TTC7B: variants seen among roughly 807,000 people sequenced by gnomAD.
The protein encoded by TTC7B is tetratricopeptide repeat domain 7B, also known as tetratricopeptide repeat protein 7B.
TTC7B carries 28 observed loss-of-function variants against 106.8 expected under a neutral mutation model. That is an observed-to-expected ratio of 0.26 (90% CI 0.19 to 0.36). The LOEUF (loss-of-function observed/expected upper bound fraction) is 0.36, where lower values mean the gene tolerates loss of function less well. TTC7B is among the 10% of genes least tolerant of loss of function. TTC7B has a pLI of 1.00. For synonymous variants in TTC7B, 405 were observed against 430.6 expected, an observed-to-expected ratio of 0.94 and a Z score of 0.74; for missense variants, 862 against 1,076.4, an observed-to-expected ratio of 0.80 and a Z score of 2.79.
intron 19 of TTC7B, among the ~76,000 whole-genome samples, chr14:90,546,622 C>T (rs1459529048): frequency 1.3e-5 from 2 of 152,238 alleles, no homozygotes; most frequent in Non-Finnish European, 2.9e-5. Context: ...CTGCCCCCAA[C>T]CAGCAGCGCT....
chr14:90,816,138 G>A (rs2031173925), intron 1 of TTC7B, 37 bp downstream of exon 1: 7 of 1,091,520 alleles, frequency 6.4e-6, no homozygotes, highest in South Asian at 2.3e-5. Flanking sequence ...AGGCCGCGGC[G>A]CCCCCCGCAG....
chr14:90,618,034 G>C lies in TTC7B; in HGVS notation c.1763C>G (p.Ser588Cys), dbSNP rs1353013375. ...EYPENFILLF[S>C]KVKLQSLCRG... ...GCAGAGTGACTGCAACTTCACTTTG[G>C]AAAACAGTAGTCTGCAGTGGGGAGA... Residue 588 changes from serine (S) to cysteine (C), a missense_variant, in exon 16 of 20, where the codon TCC becomes TGC. By Grantham distance (112) the Ser-to-Cys change is moderately radical. Coordinates refer to ENST00000328459, the MANE Select transcript of TTC7B (RefSeq NM_001010854.2). 1.2e-6 allele frequency: 2 copies of C among 1,613,048 alleles called. No individual in the cohort carries two copies. Among genetic ancestry groups the C allele is most frequent in the South Asian group, 2.2e-5 (2 of 91,060 alleles).
chr14:90,588,573 T>C (rs1465188110), intron 18 of TTC7B, among the ~76,000 whole-genome samples: 8 of 152,190 alleles, frequency 5.3e-5, no homozygotes, highest in Non-Finnish European at 1.5e-5. Context: ...GAATGGCTCC[T>C]GAGGAACCAT....
chr14:90,816,140 C>T (rs2031174579), intron 1 of TTC7B, 35 bp downstream of exon 1: 3 of 1,100,394 alleles, frequency 2.7e-6, no homozygotes, highest in African/African-American at 1.7e-5. Flanking sequence ...GCCGCGGCGC[C>T]CCCCGCAGCC....
At chr14:90,546,473 C>T (rs1193850254) in intron 19 of TTC7B, among the ~76,000 whole-genome samples, 2 of 152,244 alleles carry the variant, frequency 1.3e-5, no homozygotes, top group Non-Finnish European at 1.5e-5. Context: ...TGTCAGCCAA[C>T]GTGTTTCTGC....
rs948985055 is a variant in TTC7B, at chr14:90,810,162, T to G, written c.121+6013A>C. Among the ~76,000 whole-genome samples, 3 of 152,358 alleles carry G rather than the reference T, an allele frequency of 2.0e-5. No individual in the cohort carries two copies. In the South Asian group the frequency reaches 6.2e-4, roughly 32 times the overall value. The stretch of plus-strand genomic sequence containing the variant: ...GCTATTTATAGTCTATTTCTCCCTT[T>G]TGCAGTGACTGCTCATATGCTTTGA... On this transcript the variant is annotated intron_variant, in intron 1 of 19. Coordinates refer to ENST00000328459, the MANE Select transcript of TTC7B (RefSeq NM_001010854.2).
rs544755009 is a variant in TTC7B at position 90,673,901 on chromosome 14, A to G, written c.1152+2622T>C. 3.3e-4 allele frequency among the ~76,000 whole-genome samples: 51 copies of G among 152,312 alleles called. No individual in the cohort carries two copies. In the South Asian group the frequency reaches 9.8e-3, roughly 29 times the overall value. On this transcript the variant is annotated intron_variant, in intron 9 of 19. Transcript: ENST00000328459. ...CCAAATCAGTATCCATAGAAAAAAA[A>G]AGCAGATTAATAGTTGACAGGAACT... is the stretch of plus-strand genomic sequence containing the variant.
At chr14:90,661,440 C>G (rs1165519812) in intron 9 of TTC7B, among the ~76,000 whole-genome samples, 1 of 152,074 alleles carries the variant, frequency 6.6e-6, no homozygotes, top group Non-Finnish European at 1.5e-5. Flanking sequence ...TAACCCAGGT[C>G]TGGGAGGCAT....
chr14:90,723,838 C>T (rs1037250230), intron 5 of TTC7B, among the ~76,000 whole-genome samples: 1 of 152,180 alleles, frequency 6.6e-6, no homozygotes, highest in Non-Finnish European at 1.5e-5. Flanking sequence ...TGGACTATGT[C>T]TCTTATATTG....
At chr14:90,589,371 A>C in intron 18 of TTC7B, among the ~76,000 whole-genome samples, 1 of 152,210 alleles carries the variant, frequency 6.6e-6, no homozygotes, top group East Asian at 1.9e-4. Context: ...CAGGATTTGC[A>C]CATCCTCCTG....
chr14:90,568,955 G>A (rs7157339), intron 19 of TTC7B, among the ~76,000 whole-genome samples: 8,648 of 152,214 alleles, frequency 0.057, 790 homozygotes, highest in African/African-American at 0.19. Context: ...AAAACTTCCA[G>A]TTACCTGATT....
chr14:90,634,677 C>G (rs1490377658), intron 15 of TTC7B, among the ~76,000 whole-genome samples: 1 of 152,084 alleles, frequency 6.6e-6, no homozygotes, highest in Admixed American at 6.5e-5. Context: ...GCGGTCGAGG[C>G]ACAAGAATCG....
chr14:90,620,602 C>T (rs768782890), intron 15 of TTC7B, among the ~76,000 whole-genome samples: 6 of 152,298 alleles, frequency 3.9e-5, no homozygotes, highest in Admixed American at 2.6e-4. Context: ...AAGCCGTGCA[C>T]GTGCTGCACA....
At chr14:90,793,749 C>T (rs1278907642) in intron 1 of TTC7B, among the ~76,000 whole-genome samples, 1 of 151,158 alleles carries the variant, frequency 6.6e-6, no homozygotes, top group Non-Finnish European at 1.5e-5. Flanking sequence ...GCTGGGATTA[C>T]AGGCATGCAC....
chr14:90,633,938 G>A (rs572398104), intron 15 of TTC7B, among the ~76,000 whole-genome samples: 5 of 151,846 alleles, frequency 3.3e-5, no homozygotes, highest in Admixed American at 2.0e-4. Context: ...GCAGTGGCGC[G>A]GTCTCAGCTC....
intron 19 of TTC7B, among the ~76,000 whole-genome samples, chr14:90,558,793 G>A (rs1012347187): frequency 3.9e-5 from 6 of 152,180 alleles, no homozygotes; most frequent in Admixed American, 1.3e-4. Flanking sequence ...AGAAACGGGC[G>A]GCTTGCCAGA....
At chr14:90,767,372 G>A (rs1440110363) in intron 3 of TTC7B, among the ~76,000 whole-genome samples, 5 of 152,204 alleles carry the variant, frequency 3.3e-5, no homozygotes, top group African/African-American at 1.2e-4. Context: ...GTTTGAATGT[G>A]TCCCATTAAA....
chr14:90,747,995 T>C (rs1170134384), intron 3 of TTC7B, among the ~76,000 whole-genome samples: 1 of 152,212 alleles, frequency 6.6e-6, no homozygotes, highest in Non-Finnish European at 1.5e-5. Flanking sequence ...TTTTAATCTA[T>C]ACTTTTAATC....
At chr14:90,800,615 T>C (rs2030199329) in intron 1 of TTC7B, among the ~76,000 whole-genome samples, 1 of 151,382 alleles carries the variant, frequency 6.6e-6, no homozygotes, top group Admixed American at 6.6e-5. Flanking sequence ...ATCGAGACCA[T>C]CCTGGCTAAC....
Sources: gnomAD v4.1 joint callset for allele counts (sites outside exome capture counted in the v4.1 genomes callset) on GRCh38, gnomAD v4.1.1 for gene constraint, MANE v1.5 for transcripts, NCBI Gene and HGNC (gene_info 2026-07-23, HGNC 2026-07-21) for gene names.